Variants in NUP98 observed in about 807,000 individuals in gnomAD.
NUP98 encodes nuclear pore complex protein Nup98-Nup96.
Under a neutral mutation model 191.9 loss-of-function variants are expected in NUP98, and 26 were observed. That is an observed-to-expected ratio of 0.14 (90% CI 0.10 to 0.19). NUP98 has a LOEUF of 0.19. Ranked by LOEUF, NUP98 falls within the 10% of genes least tolerant of loss-of-function variation. NUP98 has a pLI of 1.00. For missense variants in NUP98, 1,941 were observed against 2,178.8 expected (o/e 0.89, Z 2.17); for synonymous variants, 808 against 778.4 (o/e 1.04, Z -0.63).
rs1278577123 is a variant in NUP98 at position 3,797,544 on chromosome 11, G to A, written c.-173C>T. The A allele has an allele frequency of 3.6e-5, 17 of 476,504 alleles. No homozygotes were observed. In the East Asian group the frequency reaches 5.3e-4, roughly 15 times the overall value. The allele number at this position is 476,504 out of a possible 1,614,324, so 29.5% of individuals were successfully genotyped here. On this transcript the variant is annotated 5_prime_UTR_variant, in exon 1 of 33. Coordinates refer to ENST00000324932, the MANE Select transcript of NUP98 (RefSeq NM_016320.5). Reference sequence around the variant, plus strand: ...GCCGCTTCGGGCGCAGCGCGCAGAGGGCCCGACTGCGTCACACGCCGCCCG... The same window carrying A: ...GCCGCTTCGGGCGCAGCGCGCAGAGAGCCCGACTGCGTCACACGCCGCCCG...
At chr11:3,707,627 G>T (rs926369554) in intron 20 of NUP98, among the ~76,000 whole-genome samples, 1 of 148,994 alleles carries the variant, frequency 6.7e-6, no homozygotes. Context: ...ATGTGCCTGG[G>T]ATTACAGGCA....
chr11:3,693,481 G>A, intron 26 of NUP98, 106 bp from the exon 27 acceptor site: 2 of 1,102,298 alleles, frequency 1.8e-6, no homozygotes, highest in Non-Finnish European at 2.6e-6. Flanking sequence ...CATTTTAAAT[G>A]ATTCAGATAT....
At position 3,723,160 on chromosome 11, in the gene NUP98, C is replaced by T; in HGVS notation, c.2143G>A (p.Ala715Thr). ...CATGCACCAATCTGAACCTGACCTG[C>T]TGGGTGCATATGGTAAGAATTATTT... Reference protein sequence around the residue: ...IENNSYHMHPAGIILTKVGYY... With the variant: ...IENNSYHMHPTGIILTKVGYY... The change falls in exon 16 of 33, where the codon GCA (alanine) becomes ACA (threonine). Residue 715 changes from alanine (A) to threonine (T), a missense_variant. By Grantham distance (58) the Ala-to-Thr change is moderately conservative (BLOSUM62 0). Around this residue, in one of 6 missense-constraint regions of NUP98, gnomAD observed 453 missense variants for 438.2 expected, o/e 1.03. Coordinates refer to ENST00000324932, the MANE Select transcript of NUP98 (RefSeq NM_016320.5). The T allele has an allele frequency of 1.2e-6, 2 of 1,613,632 alleles. No individual in the cohort carries two copies. Among genetic ancestry groups the T allele is most frequent in the Non-Finnish European group, 1.7e-6 (2 of 1,179,658 alleles).
chr11:3,720,643 GCTTCCC>G (rs1304711900), intron 17 of NUP98, 63 bp downstream of exon 17: 1 of 784,564 alleles, frequency 1.3e-6, no homozygotes, highest in Non-Finnish European at 2.1e-6. Flanking sequence ...GCTATCAAAA[GCTTCCC>G]CTAATTACAA....
intron 1 of NUP98, among the ~76,000 whole-genome samples, chr11:3,783,714 A>G (rs541483513): frequency 1.3e-5 from 2 of 152,134 alleles, no homozygotes; most frequent in South Asian, 2.1e-4. Flanking sequence ...ACAAAAACAA[A>G]AACAAAAACG....
intron 15 of NUP98, among the ~76,000 whole-genome samples, chr11:3,724,239 T>C (rs1033265958): frequency 5.3e-5 from 8 of 150,060 alleles, no homozygotes; most frequent in African/African-American, 1.7e-4. Flanking sequence ...CAAGACCAGC[T>C]TGACCAACAT....
rs1454691251 is a variant in NUP98 at position 3,683,330 on chromosome 11, G to C, written c.4788C>G (p.Ala1596=). ...CAGCTTTGGCCTCGTGGATCCATTT[G>C]GCAGGTACACGGAGCTTCTGGGTAA... The part of the protein sequence containing the change: ...TFLTQKLRVP[A]KWIHEAKAVR... The change falls in exon 30 of 33, where the codon GCC becomes GCG. Residue 1596 remains alanine (A), a synonymous_variant. Transcript: ENST00000324932. 18 of 1,614,044 alleles carry C rather than the reference G, an allele frequency of 1.1e-5. No individual in the cohort carries two copies. Among genetic ancestry groups the C allele is most frequent in the Non-Finnish European group, 1.4e-5 (17 of 1,180,042 alleles).
chr11:3,734,856 A>AGTTCGATACTAGC (rs2079984354), intron 13 of NUP98, among the ~76,000 whole-genome samples: 1 of 152,154 alleles, frequency 6.6e-6, no homozygotes, highest in African/African-American at 2.4e-5. Context: ...TCCTTCCAGG[A>AGTTCGATACTAGC]GTTCGATACT....
At chr11:3,719,338 T>G in intron 18 of NUP98, 74 bp downstream of exon 18, 1 of 1,244,076 alleles carries the variant, frequency 8.0e-7, no homozygotes, top group Non-Finnish European at 1.1e-6. Context: ...AGCATACATC[T>G]AAACACATTT....
intron 29 of NUP98, among the ~76,000 whole-genome samples, chr11:3,684,292 G>A (rs2078070326): frequency 6.7e-6 from 1 of 148,870 alleles, no homozygotes. Context: ...CAAAAAGTTG[G>A]GGCTTGGCTC....
In NUP98 at chr11:3,702,698, C is replaced by T; in HGVS notation, c.3277G>A (p.Gly1093Ser). 1 of 1,614,106 alleles carries T rather than the reference C, an allele frequency of 6.2e-7. No homozygotes were observed. Residue 1093 changes from glycine to serine, a missense_variant, in exon 23 of 33, where the codon GGT becomes AGT. By Grantham distance (56) the Gly-to-Ser change is moderately conservative. Coordinates refer to ENST00000324932, the MANE Select transcript of NUP98 (RefSeq NM_016320.5). ...ACTAGGCCTAGTTGCCTACGTGTAC[C>T]CACTGTTTTCAACGGAACCTCAGGG... The part of the protein sequence containing the change: ...PAPEVPLKTV[G>S]TRRQLGLVPR...
rs1007538759 is a variant in NUP98, at chr11:3,744,464, T to G, written c.1408+45A>C. The stretch of plus-strand genomic sequence containing the variant: ...GGATGGAAAATCAGGTCAGCAAGTA[T>G]TAGCAAAAAATTAAGAAAAGCCTTC... On this transcript the variant is annotated intron_variant, in intron 12 of 32. Coordinates refer to ENST00000324932, the MANE Select transcript of NUP98 (RefSeq NM_016320.5). The G allele has an allele frequency of 1.2e-5, 19 of 1,565,910 alleles. No homozygotes were observed. In the South Asian group the frequency reaches 2.1e-4, roughly 18 times the overall value.
At chr11:3,723,091 T>A (rs2079464577) in intron 16 of NUP98, 66 bp downstream of exon 16, 1 of 1,473,444 alleles carries the variant, frequency 6.8e-7, no homozygotes, top group Admixed American at 1.8e-5. Context: ...ATGTTGAATA[T>A]CTGCAACAAG....
intron 14 of NUP98, among the ~76,000 whole-genome samples, chr11:3,726,403 G>A (rs1383073973): frequency 6.7e-6 from 1 of 149,388 alleles, no homozygotes; most frequent in East Asian, 1.9e-4. Flanking sequence ...AATGCCATAA[G>A]TTAGTTCTTT....
chr11:3,754,555 A>G (rs1028611014), intron 10 of NUP98, among the ~76,000 whole-genome samples: 5 of 152,236 alleles, frequency 3.3e-5, no homozygotes, highest in Non-Finnish European at 7.3e-5. Context: ...AGATGAACCT[A>G]GCCAGGATAG....
chr11:3,735,072 AAATT>A, intron 13 of NUP98, 115 bp downstream of exon 13: 6 of 929,796 alleles, frequency 6.5e-6, no homozygotes, highest in Non-Finnish European at 5.9e-6. Flanking sequence ...ATATCTTAAA[AAATT>A]AATTACACCT....
At chr11:3,753,744 C>G (rs534820343) in intron 10 of NUP98, among the ~76,000 whole-genome samples, 2 of 80,426 alleles carry the variant, frequency 2.5e-5, no homozygotes, top group African/African-American at 4.9e-5. Context: ...AACCCCGTCT[C>G]TATAAAAATA....
Position 3,768,758 on chromosome 11 carries a change from GAAAA to G in NUP98, c.785-18_785-15del, listed in dbSNP as rs532906589. The G allele has an allele frequency of 3.7e-6, 3 of 800,496 alleles. No homozygotes were observed. The South Asian group carries it at 1.2e-4, about 33-fold the overall frequency. The allele number at this position is 800,496 out of a possible 1,614,324, so 49.6% of individuals were successfully genotyped here. On this transcript the variant is annotated splice_polypyrimidine_tract_variant and intron_variant, in intron 7 of 32. Coordinates refer to ENST00000324932, the MANE Select transcript of NUP98 (RefSeq NM_016320.5). ...ATCCAGTTGTACCTTTTAGGAAAAAGAAAAAAAAAAGAAAAAAGAAATAATAAAA... is the reference window on the plus strand; with the variant it reads ...ATCCAGTTGTACCTTTTAGGAAAAAGAAAAAAGAAAAAAGAAATAATAAAA...
rs1470142264 is a variant in NUP98, at chr11:3,718,883, G to C, written c.2399+529C>G. 7.2e-5 allele frequency among the ~76,000 whole-genome samples: 11 copies of C among 152,168 alleles called. No homozygotes were observed. In the East Asian group the frequency reaches 1.8e-3, roughly 24 times the overall value. On this transcript the variant is annotated intron_variant, in intron 18 of 32. Coordinates refer to ENST00000324932, the MANE Select transcript of NUP98 (RefSeq NM_016320.5). The stretch of plus-strand genomic sequence containing the variant: ...ACCTGTAATCCCAGCACTTTGGGAG[G>C]CTGAGGTGGGAGGATCACTTGAAAT...
Sources: allele counts gnomAD v4.1 joint callset (sites outside exome capture counted in the v4.1 genomes callset), GRCh38; gene constraint gnomAD v4.1.1; regional missense constraint gnomAD v4.1.1; transcripts MANE v1.5; gene names NCBI Gene and HGNC (gene_info 2026-07-23, HGNC 2026-07-21).